Variants in GRIK3 observed in about 807,000 individuals in gnomAD.
GRIK3 encodes the protein glutamate ionotropic receptor kainate type subunit 3.
Under a neutral mutation model 102.5 loss-of-function variants are expected in GRIK3, and 29 were observed. The ratio of observed to expected loss-of-function variants is 0.28; its 90% CI spans 0.21 to 0.39. GRIK3 has a LOEUF of 0.39. Ranked by LOEUF, GRIK3 falls within the 10% of genes least tolerant of loss-of-function variation. The probability of loss-of-function intolerance (pLI) is 1.00; values close to 1 mark genes in which losing one functional copy is unlikely to be tolerated. For synonymous variants in GRIK3, 511 were observed against 504.9 expected, an observed-to-expected ratio of 1.01 and a Z score of -0.16; for missense variants, 908 against 1,252.4, an observed-to-expected ratio of 0.73 and a Z score of 4.15.
At position 36,873,963 on chromosome 1, in the gene GRIK3, A is replaced by G. The variant is rs74355570; in HGVS notation, c.551-1594T>C. On this transcript the variant is annotated intron_variant, in intron 3 of 15. Coordinates refer to ENST00000373091, the MANE Select transcript of GRIK3 (RefSeq NM_000831.4). ...AGATGTCAGAGAGAACAAGTAGCAA[A>G]GAAGTCCTAATGATCTTCACTTCAG... Among the ~76,000 whole-genome samples, 676 of 152,312 alleles carry G rather than the reference A, an allele frequency of 4.4e-3. 8 individuals carry two copies. Among genetic ancestry groups the G allele is most frequent in the African/African-American group, 0.015 (634 of 41,570 alleles).
intron 5 of GRIK3, among the ~76,000 whole-genome samples, chr1:36,868,971 G>A (rs1640815445): frequency 6.6e-6 from 1 of 152,188 alleles, no homozygotes; most frequent in Non-Finnish European, 1.5e-5. Flanking sequence ...TTTTTGAAAA[G>A]CGACAGGATG....
At position 36,990,031 on chromosome 1, in the gene GRIK3, G is replaced by T. The variant is rs1642348162; in HGVS notation, c.115+43963C>A. ...ACCTTGCATAAGGGAGGGCAGCAGGGATCAAGTGGGGCGGTGTAGCTTCTG... is the reference window on the plus strand; with the variant it reads ...ACCTTGCATAAGGGAGGGCAGCAGGTATCAAGTGGGGCGGTGTAGCTTCTG... On this transcript the variant is annotated intron_variant, in intron 1 of 15. Coordinates refer to ENST00000373091, the MANE Select transcript of GRIK3 (RefSeq NM_000831.4). 2.6e-5 allele frequency among the ~76,000 whole-genome samples: 4 copies of T among 152,280 alleles called. No homozygotes were observed. The South Asian group carries it at 8.3e-4, about 32-fold the overall frequency.
intron 2 of GRIK3, among the ~76,000 whole-genome samples, chr1:36,889,997 T>TC (rs1231105533): frequency 6.6e-6 from 1 of 152,056 alleles, no homozygotes; most frequent in East Asian, 1.9e-4. Flanking sequence ...GATGGACACT[T>TC]CACTGCACAG....
intron 9 of GRIK3, among the ~76,000 whole-genome samples, chr1:36,846,474 G>T (rs574899323): frequency 7.2e-5 from 11 of 152,304 alleles, no homozygotes; most frequent in African/African-American, 2.6e-4. Context: ...CCTTATCAGG[G>T]GTCTTGGATC....
chr1:36,955,046 AG>A (rs1641889311), intron 1 of GRIK3, among the ~76,000 whole-genome samples: 1 of 152,238 alleles, frequency 6.6e-6, no homozygotes, highest in South Asian at 2.1e-4. Flanking sequence ...AAGTGGTGTC[AG>A]GGTGGTAGAC....
At chr1:36,930,255 T>G (rs921636976) in intron 1 of GRIK3, among the ~76,000 whole-genome samples, 3 of 152,186 alleles carry the variant, frequency 2.0e-5, no homozygotes, top group Non-Finnish European at 4.4e-5. Flanking sequence ...GGTTTCAGCT[T>G]CTGGAACTTG....
intron 1 of GRIK3, among the ~76,000 whole-genome samples, chr1:37,030,895 G>C (rs996996220): frequency 6.6e-6 from 1 of 152,168 alleles, no homozygotes. Flanking sequence ...TGGGGTGCCA[G>C]GGAGAGGTGT....
intron 1 of GRIK3, among the ~76,000 whole-genome samples, chr1:36,920,974 G>A (rs1409209282): frequency 2.6e-5 from 4 of 152,176 alleles, no homozygotes; most frequent in Admixed American, 6.5e-5. Context: ...GGAGGAGGCC[G>A]AAGAGGTGGG....
intron 1 of GRIK3, among the ~76,000 whole-genome samples, chr1:36,943,502 T>C (rs1380890169): frequency 6.6e-6 from 1 of 152,222 alleles, no homozygotes; most frequent in Non-Finnish European, 1.5e-5. Context: ...TTTCAGGAGC[T>C]GAGCTAATCA....
At chr1:37,010,674 C>A (rs1005586432) in intron 1 of GRIK3, among the ~76,000 whole-genome samples, 2 of 151,156 alleles carry the variant, frequency 1.3e-5, no homozygotes, top group African/African-American at 2.4e-5. Context: ...CGTCTGTGTG[C>A]GCTCCAGCGA....
intron 1 of GRIK3, among the ~76,000 whole-genome samples, chr1:36,914,993 A>G (rs1444229545): frequency 1.3e-5 from 2 of 152,230 alleles, no homozygotes; most frequent in Non-Finnish European, 2.9e-5. Flanking sequence ...AATTATTATC[A>G]TTAGCACATG....
intron 2 of GRIK3, among the ~76,000 whole-genome samples, chr1:36,881,970 C>G (rs990657333): frequency 1.3e-5 from 2 of 151,998 alleles, no homozygotes; most frequent in African/African-American, 4.8e-5. Context: ...GGCTGGAATG[C>G]TCTTCCCTCA....
intron 1 of GRIK3, among the ~76,000 whole-genome samples, chr1:36,946,479 C>T (rs1641786243): frequency 6.6e-6 from 1 of 152,234 alleles, no homozygotes; most frequent in African/African-American, 2.4e-5. Context: ...GGGCTATGGA[C>T]ACTCGGGCAT....
At chr1:36,891,137 G>C in intron 1 of GRIK3, 41 bp from the exon 2 acceptor site, 1 of 1,498,942 alleles carries the variant, frequency 6.7e-7, no homozygotes, top group Non-Finnish European at 9.2e-7. Context: ...TGGGAGGAGG[G>C]ATGGGGCTCT....
intron 1 of GRIK3, among the ~76,000 whole-genome samples, chr1:37,000,841 G>A (rs1012691309): frequency 4.6e-5 from 7 of 152,128 alleles, no homozygotes; most frequent in African/African-American, 1.2e-4. Context: ...AAACAGCAGC[G>A]CAGATCCAAA....
In GRIK3 at chr1:36,828,746, A is replaced by C. The variant is rs143972279; in HGVS notation, c.1531-2920T>G. Among the ~76,000 whole-genome samples, 1,258 of 152,342 alleles carry C rather than the reference A, an allele frequency of 8.3e-3. 15 individuals carry two copies. The highest frequency in any genetic ancestry group is 0.029 in the African/African-American group (1,209 of 41,576). On this transcript the variant is annotated intron_variant, in intron 10 of 15. Transcript: ENST00000373091. ...GAACTGGTCTCTGGAAATGGAGTGG[A>C]TTCTTGGGAAGAACCTCAAAGTCAA...
intron 1 of GRIK3, among the ~76,000 whole-genome samples, chr1:36,933,395 T>C (rs1641618787): frequency 6.6e-6 from 1 of 152,220 alleles, no homozygotes; most frequent in Non-Finnish European, 1.5e-5. Flanking sequence ...AGGGATGTTT[T>C]CATGCAGCCA....
At chr1:36,873,367 G>A (rs1379958319) in intron 3 of GRIK3, among the ~76,000 whole-genome samples, 1 of 152,160 alleles carries the variant, frequency 6.6e-6, no homozygotes, top group Admixed American at 6.5e-5. Context: ...GTCACTTTCT[G>A]GAGACAAATG....
rs187698007 is a variant in GRIK3 at position 36,801,783 on chromosome 1, G to C, written c.*68C>G. ...CAAGCCCAGTGCGGGGACAGGGGAC[G>C]TTCCTTCCAATCTCCTTTGCTTTCC... On this transcript the variant is annotated 3_prime_UTR_variant, in exon 16 of 16. Transcript: ENST00000373091. The C allele has an allele frequency of 8.7e-6, 12 of 1,372,158 alleles. No homozygotes were observed. The African/African-American group carries it at 1.6e-4, about 18-fold the overall frequency. 85.0% of individuals were successfully genotyped at this position (1,372,158 alleles called of 1,614,324 possible). A position where few individuals can be genotyped will look rare whatever the true frequency, so the allele number is the denominator to read the frequency against.
Sources: gnomAD v4.1 joint callset for allele counts (sites outside exome capture counted in the v4.1 genomes callset) on GRCh38, gnomAD v4.1.1 for gene constraint, MANE v1.5 for transcripts, NCBI Gene and HGNC (gene_info 2026-07-23, HGNC 2026-07-21) for gene names.